Variants in NUP210 observed in about 807,000 individuals in gnomAD.
The protein encoded by NUP210 is nuclear pore membrane glycoprotein 210.
NUP210 carries 151 observed loss-of-function variants against 196.0 expected under a neutral mutation model. The ratio of observed to expected loss-of-function variants is 0.77; its 90% CI spans 0.67 to 0.88. The LOEUF is 0.88. NUP210 is among the 40% of genes least tolerant of loss of function. NUP210 has a pLI of 0.00. For missense variants in NUP210, 2,314 were observed against 2,493.7 expected (o/e 0.93, Z 1.53); for synonymous variants, 1,070 against 1,052.7 (o/e 1.02, Z -0.32).
chr3:13,375,963 G>A (rs1345717329), intron 10 of NUP210, among the ~76,000 whole-genome samples: 1 of 152,224 alleles, frequency 6.6e-6, no homozygotes, highest in Admixed American at 6.5e-5. Context: ...AGCTGAGGAG[G>A]CCGACTCTGG....
At position 13,420,071 on chromosome 3, in the gene NUP210, GC is replaced by G; in HGVS notation, c.155del (p.Gly52AlafsTer35). ...GCCGCGCGCCTCACCAGCGGTAGCA[GC>G]CCTCCGAGGCCTCCAGCGTGAAGTT... is the stretch of plus-strand genomic sequence containing the variant. ...RVNFTLEASE[G>X]CYRWLSTRPE... On this transcript the variant is annotated frameshift_variant, in exon 1 of 40. Transcript: ENST00000254508. LOFTEE classifies it high-confidence loss of function. The surrounding 1 kb of genome is among the most constrained non-coding windows in gnomAD (Gnocchi z 4.8). 2 of 1,349,898 alleles carry G rather than the reference GC, an allele frequency of 1.5e-6. No homozygotes were observed. The allele number at this position is 1,349,898 out of a possible 1,614,324, so 83.6% of individuals were successfully genotyped here. A position where few individuals can be genotyped will look rare whatever the true frequency, so the allele number is the denominator to read the frequency against.
intron 3 of NUP210, among the ~76,000 whole-genome samples, chr3:13,393,868 A>T (rs1053210557): frequency 7.9e-5 from 12 of 152,204 alleles, no homozygotes; most frequent in Non-Finnish European, 1.6e-4. Context: ...TCTCCAGAGG[A>T]TCTACCTCCC....
chr3:13,343,342 G>GGCC, intron 20 of NUP210, 39 bp from the exon 21 acceptor site: 3 of 655,984 alleles, frequency 4.6e-6, no homozygotes, highest in Non-Finnish European at 7.5e-6. Flanking sequence ...TGGGTGGTGG[G>GGCC]TTACGCAGCT....
At chr3:13,399,665 A>C (rs1559346103) in intron 2 of NUP210, 60 bp downstream of exon 2, 32 of 1,610,728 alleles carry the variant, frequency 2.0e-5, no homozygotes, top group Non-Finnish European at 2.6e-5. Context: ...CCTGGGTCTT[A>C]GTGGGCGTTT....
chr3:13,384,024 G>C (rs547944977), intron 6 of NUP210, among the ~76,000 whole-genome samples: 1 of 152,114 alleles, frequency 6.6e-6, no homozygotes, highest in African/African-American at 2.4e-5. Context: ...GTGCAATGGC[G>C]CAATCTCGGC....
intron 32 of NUP210, 82 bp downstream of exon 32, chr3:13,327,135 C>T (rs541740316): frequency 9.8e-6 from 11 of 1,123,088 alleles, no homozygotes; most frequent in African/African-American, 4.7e-5. Flanking sequence ...TGACTGGTGC[C>T]GAGCCCCTGC....
intron 32 of NUP210, among the ~76,000 whole-genome samples, chr3:13,326,336 G>C (rs1020581704): frequency 2.0e-5 from 2 of 102,352 alleles, no homozygotes; most frequent in African/African-American, 7.9e-5. Flanking sequence ...CCATCCCTTC[G>C]TTGCCTTATC....
chr3:13,353,717 G>T, intron 17 of NUP210, 57 bp from the exon 18 acceptor site: 1 of 1,464,564 alleles, frequency 6.8e-7, no homozygotes, highest in Non-Finnish European at 9.6e-7. Flanking sequence ...CACCCCTGAA[G>T]CAGCCCCTCC....
chr3:13,358,188 C>T (rs1448073313), intron 16 of NUP210, 34 bp downstream of exon 16: 5 of 1,567,070 alleles, frequency 3.2e-6, no homozygotes, highest in Non-Finnish European at 3.5e-6. Flanking sequence ...GCGGGTGGCA[C>T]CCTCACCTCC....
At chr3:13,373,047 G>A (rs1698784419) in intron 12 of NUP210, among the ~76,000 whole-genome samples, 1 of 152,196 alleles carries the variant, frequency 6.6e-6, no homozygotes, top group East Asian at 1.9e-4. Flanking sequence ...AGACTGGCCA[G>A]CCTATCCATC....
At chr3:13,325,769 T>C (rs1696723752) in intron 33 of NUP210, 26 bp downstream of exon 33, 1 of 1,610,246 alleles carries the variant, frequency 6.2e-7, no homozygotes, top group Non-Finnish European at 8.5e-7. Flanking sequence ...CTGAGCCACA[T>C]GTGCCTCCGG....
intron 3 of NUP210, among the ~76,000 whole-genome samples, chr3:13,395,463 G>A (rs1012044131): frequency 2.0e-4 from 30 of 152,288 alleles, no homozygotes; most frequent in African/African-American, 7.2e-4. Flanking sequence ...GACTACAGGT[G>A]TGCGCCACCA....
chr3:13,391,222 G>A lies in NUP210; in HGVS notation c.522C>T (p.His174=). 6.2e-7 allele frequency: 1 copy of A among 1,611,832 alleles called. No homozygotes were observed. Among genetic ancestry groups the A allele is most frequent in the Non-Finnish European group, 8.5e-7 (1 of 1,178,832 alleles). The change falls in exon 4 of 40, where the codon CAC becomes CAT. Residue 174 remains histidine, a synonymous_variant. Coordinates refer to ENST00000254508, the MANE Select transcript of NUP210 (RefSeq NM_024923.4). ...DSEADRFSDS[H]NALRILTFLE... is the part of the protein sequence containing the mutation. Reference sequence around the variant, plus strand: ...GAGGCACCCCTTACCGCAGCGCATTGTGGGAGTCTGAGAACCTGTCCGCCT... The same window carrying A: ...GAGGCACCCCTTACCGCAGCGCATTATGGGAGTCTGAGAACCTGTCCGCCT...
chr3:13,324,134 G>A (rs1352819741), intron 33 of NUP210, among the ~76,000 whole-genome samples: 2 of 152,126 alleles, frequency 1.3e-5, no homozygotes, highest in African/African-American at 2.4e-5. Flanking sequence ...TCAAACTCAC[G>A]GTGCCTCCGC....
rs1698746254 is a variant in NUP210 at position 13,371,964 on chromosome 3, G to A, written c.1656C>T (p.Ala552=). ...CACTGATCCTCAGGGGCAGCTCCAG[G>A]GCCTGGCCCACACGTGCCTCCACCT... ...PCQVEARVGQ[A]LELPLRISGL... The change falls in exon 13 of 40, where the codon GCC becomes GCT. Residue 552 remains alanine, a synonymous_variant. Transcript: ENST00000254508. 1 of 1,603,844 alleles carries A rather than the reference G, an allele frequency of 6.2e-7. No individual in the cohort carries two copies. The highest frequency in any genetic ancestry group is 1.3e-5 in the African/African-American group (1 of 74,918).
intron 16 of NUP210, among the ~76,000 whole-genome samples, chr3:13,356,629 C>G (rs570590263): frequency 6.6e-6 from 1 of 152,082 alleles, no homozygotes; most frequent in African/African-American, 2.4e-5. Flanking sequence ...GGCAACAGAG[C>G]GAGACTGTGT....
intron 1 of NUP210, among the ~76,000 whole-genome samples, chr3:13,414,170 A>G (rs536984098): frequency 2.9e-4 from 44 of 152,356 alleles, no homozygotes; most frequent in African/African-American, 1.1e-3. Context: ...TTGCACAAAG[A>G]ACAAGGATGG....
rs1472825039 is a variant in NUP210 at position 13,341,764 on chromosome 3, G to A, written c.3212C>T (p.Ala1071Val). The stretch of plus-strand genomic sequence containing the variant: ...TCGTCTTACTTCAATCTGTTGTGGG[G>A]CTGAGTTGATTCTCTGTCCAGCTTT... ...TNKAGQRINSAPQQIEVFPPF... is the reference protein window; with the variant it reads ...TNKAGQRINSVPQQIEVFPPF... Residue 1071 changes from alanine (A) to valine (V), a missense_variant, in exon 23 of 40, where the codon GCC (alanine) becomes GTC (valine). Transcript: ENST00000254508. 1 of 1,614,218 alleles carries A rather than the reference G, an allele frequency of 6.2e-7. No individual in the cohort carries two copies. Among genetic ancestry groups the A allele is most frequent in the South Asian group, 1.1e-5 (1 of 91,082 alleles).
At chr3:13,343,339 T>TGGGGGGGTGGGGGGGGGGGGGGGGGGG in intron 20 of NUP210, 36 bp from the exon 21 acceptor site, 7 of 282,512 alleles carry the variant, frequency 2.5e-5, no homozygotes, top group African/African-American at 7.1e-5. Context: ...GGGTGGGTGG[T>TGGGGGGGTGGGGGGGGGGGGGGGGGGG]GGGTTACGCA....
Sources: allele counts gnomAD v4.1 joint callset (sites outside exome capture counted in the v4.1 genomes callset), GRCh38; gene constraint gnomAD v4.1.1; non-coding constraint Gnocchi (gnomAD v3.1); transcripts MANE v1.5; gene names NCBI Gene and HGNC (gene_info 2026-07-23, HGNC 2026-07-21).